ZDHHC6: variants seen among roughly 807,000 people sequenced by gnomAD.
ZDHHC6 encodes the protein palmitoyltransferase ZDHHC6.
ZDHHC6 carries 32 observed loss-of-function variants against 57.8 expected under a neutral mutation model. The ratio of observed to expected loss-of-function variants is 0.55; its 90% CI spans 0.42 to 0.74. ZDHHC6 has a LOEUF of 0.74. Among genes scored for constraint, ZDHHC6 ranks in the 30% least tolerant of loss-of-function variants. ZDHHC6 has a pLI of 0.00. For missense variants in ZDHHC6, 433 were observed against 500.7 expected, an observed-to-expected ratio of 0.86 and a Z score of 1.29; for synonymous variants, 128 against 158.0, an observed-to-expected ratio of 0.81 and a Z score of 1.42.
downstream of ZDHHC6, among the ~76,000 whole-genome samples, chr10:112,429,022 T>C (rs1564748670): frequency 1.3e-5 from 2 of 152,344 alleles, no homozygotes; most frequent in South Asian, 4.1e-4. Context: ...TCATATCCAT[T>C]CTTTTACCAT....
At chr10:112,429,979 T>TGGG (rs1296859364), downstream of ZDHHC6, among the ~76,000 whole-genome samples, 4 of 81,386 alleles carry the variant, frequency 4.9e-5, no homozygotes, top group Non-Finnish European at 7.7e-5. Context: ...GGGGGGGGTG[T>TGGG]GGGGGGGGTA....
chr10:112,437,321 G>T (rs1404010637), intron 6 of ZDHHC6, among the ~76,000 whole-genome samples: 1 of 152,170 alleles, frequency 6.6e-6, no homozygotes, highest in Non-Finnish European at 1.5e-5. Flanking sequence ...TTTGCCAAAT[G>T]ACCGATGCCT....
Position 112,445,318 on chromosome 10 carries a change from A to G in ZDHHC6, c.119T>C (p.Ile40Thr). ...VIAICSTMAM[I>T]DSVLWYWPLH... The stretch of plus-strand genomic sequence containing the variant: ...GGGCCAATACCACAACACAGAGTCA[A>G]TCATGGCCATGGTAGAACATATTGC... Residue 40 changes from isoleucine (I) to threonine (T), a missense_variant, in exon 2 of 11, where the codon ATT becomes ACT. By Grantham distance (89) the Ile-to-Thr change is moderately conservative (BLOSUM62 -1). Coordinates refer to ENST00000369405, the MANE Select transcript of ZDHHC6 (RefSeq NM_022494.3). 1 of 1,614,236 alleles carries G rather than the reference A, an allele frequency of 6.2e-7. No individual in the cohort carries two copies. Among genetic ancestry groups the G allele is most frequent in the Non-Finnish European group, 8.5e-7 (1 of 1,180,042 alleles).
chr10:112,446,857 G>A lies in ZDHHC6; in HGVS notation c.-367C>T. The A allele has an allele frequency of 5.4e-6, 1 of 185,844 alleles. No homozygotes were observed. The highest frequency in any genetic ancestry group is 9.1e-5 in the East Asian group (1 of 10,930). 11.5% of individuals were successfully genotyped at this position (185,844 alleles called of 1,614,324 possible). On this transcript the variant is annotated 5_prime_UTR_variant, in exon 1 of 11. Transcript: ENST00000369405. ...AGCAAACCCTGGCAGCGAGAGGCTG[G>A]AGTGCGGGACCTGCTACAAGCCGAG...
chr10:112,431,596 G>A (rs1845037938), intron 10 of ZDHHC6, among the ~76,000 whole-genome samples: 1 of 152,148 alleles, frequency 6.6e-6, no homozygotes, highest in South Asian at 2.1e-4. Flanking sequence ...TTACAGGCAT[G>A]AGTCACCACA....
At chr10:112,438,414 T>G (rs1394653712) in intron 5 of ZDHHC6, 25 bp from the exon 6 acceptor site, 1 of 1,350,006 alleles carries the variant, frequency 7.4e-7, no homozygotes, top group South Asian at 1.5e-5. Flanking sequence ...ATAGTAAAAT[T>G]TAATAATGCG....
chr10:112,443,687 TG>T (rs1846370054), intron 2 of ZDHHC6, 81 bp from the exon 3 acceptor site: 3 of 1,092,796 alleles, frequency 2.7e-6, no homozygotes, highest in East Asian at 5.0e-5. Flanking sequence ...TTTTCTTTTA[TG>T]GGCGATAGGG....
At chr10:112,427,532 A>G, downstream of ZDHHC6, 1 of 503,316 alleles carries the variant, frequency 2.0e-6, no homozygotes. Flanking sequence ...TTAGTTCCCA[A>G]ATAAATCAAT....
At chr10:112,441,246 A>C (rs1396346257) in intron 4 of ZDHHC6, among the ~76,000 whole-genome samples, 3 of 152,244 alleles carry the variant, frequency 2.0e-5, no homozygotes, top group Admixed American at 2.0e-4. Flanking sequence ...TTCCTCAGAA[A>C]GTGTCAAGGA....
At chr10:112,433,347 C>T in intron 7 of ZDHHC6, 66 bp from the exon 8 acceptor site, 1 of 1,324,374 alleles carries the variant, frequency 7.6e-7, no homozygotes, top group South Asian at 1.6e-5. Context: ...ATCGCCTTTC[C>T]TCATCAACTG....
In ZDHHC6 at chr10:112,442,316, A is replaced by G. The variant is rs763751933; in HGVS notation, c.395T>C (p.Ile132Thr). The change falls in exon 4 of 11, where the codon ATC (isoleucine) becomes ACC (threonine). Residue 132 changes from isoleucine to threonine, a missense_variant. Transcript: ENST00000369405. ...VMKMDHHCPW[I>T]NNCCGYQNHA... ...ATTTTGGTAACCACAACAGTTGTTG[A>G]TCCAAGGACAGTGATGGTCCATCTT... 3 of 1,613,696 alleles carry G rather than the reference A, an allele frequency of 1.9e-6. No homozygotes were observed. Among genetic ancestry groups the G allele is most frequent in the Non-Finnish European group, 2.5e-6 (3 of 1,179,884 alleles).
intron 6 of ZDHHC6, among the ~76,000 whole-genome samples, chr10:112,437,765 C>T (rs762323198): frequency 6.6e-5 from 10 of 152,188 alleles, no homozygotes; most frequent in Non-Finnish European, 1.3e-4. Context: ...GGCTTGCTCC[C>T]CTTCATGGAC....
At chr10:112,425,807 A>C (rs143161849), downstream of ZDHHC6, among the ~76,000 whole-genome samples, 494 of 152,312 alleles carry the variant, frequency 3.2e-3, 4 homozygotes, top group African/African-American at 0.012. Context: ...GTTTAAGAGC[A>C]GTATGTATAA....
At chr10:112,425,451 AC>A (rs759803153), downstream of ZDHHC6, 1 of 1,613,270 alleles carries the variant, frequency 6.2e-7, no homozygotes, top group East Asian at 2.2e-5. Context: ...AACCAGTGTT[AC>A]AAATTTTTGT....
chr10:112,443,692 G>A (rs780603737), intron 2 of ZDHHC6, 86 bp from the exon 3 acceptor site: 9 of 993,098 alleles, frequency 9.1e-6, no homozygotes, highest in African/African-American at 6.6e-5. Context: ...TTTTATGGGC[G>A]ATAGGGGAAG....
At chr10:112,447,048 GGA>G, upstream of ZDHHC6, 1 of 314,734 alleles carries the variant, frequency 3.2e-6, no homozygotes, top group Non-Finnish European at 6.2e-6. Flanking sequence ...CACGAAGGGG[GGA>G]AAAAACGCTT....
chr10:112,431,475 G>A (rs568782828), intron 10 of ZDHHC6, among the ~76,000 whole-genome samples: 6 of 151,884 alleles, frequency 4.0e-5, no homozygotes, highest in Admixed American at 1.3e-4. Context: ...CACCATGCCC[G>A]GCTAATTTTT....
At chr10:112,426,010 G>T (rs1844679260), downstream of ZDHHC6, among the ~76,000 whole-genome samples, 1 of 152,170 alleles carries the variant, frequency 6.6e-6, no homozygotes, top group Admixed American at 6.5e-5. Flanking sequence ...CAAGCCAGAG[G>T]CGCTTTAAGC....
chr10:112,427,088 T>C (rs1157630680), downstream of ZDHHC6: 11 of 984,956 alleles, frequency 1.1e-5, no homozygotes, highest in Non-Finnish European at 1.7e-5. Context: ...TTTGTGGGAA[T>C]GGGCATGTGT....
Sources: gnomAD v4.1 joint callset for allele counts (sites outside exome capture counted in the v4.1 genomes callset) on GRCh38, gnomAD v4.1.1 for gene constraint, MANE v1.5 for transcripts, NCBI Gene and HGNC (gene_info 2026-07-23, HGNC 2026-07-21) for gene names.